RTTN: variants seen among roughly 807,000 people sequenced by gnomAD.
RTTN encodes rotatin.
In RTTN, 182 loss-of-function variants were observed where a neutral mutation model predicts 269.2. The ratio of observed to expected loss-of-function variants is 0.68; its 90% confidence interval spans 0.60 to 0.76. RTTN has a LOEUF of 0.76. Among genes scored for constraint, RTTN ranks in the 30% least tolerant of loss-of-function variants. The pLI is 0.00. For synonymous variants in RTTN, 1,006 were observed against 963.5 expected, an observed-to-expected ratio of 1.04 and a Z score of -0.82; for missense variants, 2,545 against 2,608.6, an observed-to-expected ratio of 0.98 and a Z score of 0.53.
intron 27 of RTTN, among the ~76,000 whole-genome samples, chr18:70,110,715 T>C (rs1193308487): frequency 3.3e-5 from 5 of 152,184 alleles, no homozygotes; most frequent in African/African-American, 1.2e-4. Context: ...ACAGAAGTGT[T>C]CACTCCGCTG....
intron 40 of RTTN, among the ~76,000 whole-genome samples, chr18:70,032,457 A>G (rs1230801044): frequency 6.6e-6 from 1 of 152,196 alleles, no homozygotes; most frequent in Non-Finnish European, 1.5e-5. Context: ...GCAATGACAC[A>G]CATAGGCTCA....
Position 70,134,519 on chromosome 18 carries a change from G to A in RTTN, c.2908C>T (p.Pro970Ser), listed in dbSNP as rs373710103. ...AAACTGAAGACCGATGGCAAAGAAG[G>A]TTTATTGGAAGGATTAACAGACCTA... The part of the protein sequence containing the change: ...DMWSVNPSNK[P>S]SLPSVFSLPV... Residue 970 changes from proline to serine, a missense_variant, in exon 23 of 49, where the codon CCT (proline) becomes TCT (serine). Coordinates refer to ENST00000640769, the MANE Select transcript of RTTN (RefSeq NM_173630.4). 1.2e-6 allele frequency: 2 copies of A among 1,610,134 alleles called. No homozygotes were observed. Among genetic ancestry groups the A allele is most frequent in the South Asian group, 1.1e-5 (1 of 90,512 alleles).
intron 40 of RTTN, among the ~76,000 whole-genome samples, chr18:70,042,990 C>A (rs1381873978): frequency 6.6e-6 from 1 of 152,006 alleles, no homozygotes; most frequent in Non-Finnish European, 1.5e-5. Flanking sequence ...ATTCCTGGAA[C>A]CAGGTGAATG....
chr18:70,054,345 T>C, intron 37 of RTTN, 61 bp from the exon 38 acceptor site: 1 of 1,434,738 alleles, frequency 7.0e-7, no homozygotes, highest in South Asian at 1.4e-5. Context: ...ATCTCAGTGA[T>C]ACAGCATTTT....
chr18:70,159,287 C>T (rs2060764725), intron 14 of RTTN, among the ~76,000 whole-genome samples: 1 of 152,130 alleles, frequency 6.6e-6, no homozygotes, highest in Non-Finnish European at 1.5e-5. Flanking sequence ...AAGAAGATCT[C>T]TCAAAAATGA....
At chr18:70,052,650 A>G (rs763950928) in intron 38 of RTTN, among the ~76,000 whole-genome samples, 158 of 149,050 alleles carry the variant, frequency 1.1e-3, no homozygotes, top group Middle Eastern at 7.0e-3. Flanking sequence ...ACTTATATAT[A>G]TATATCATCA....
intron 10 of RTTN, among the ~76,000 whole-genome samples, chr18:70,178,410 A>T (rs192586471): frequency 5.1e-4 from 77 of 152,356 alleles, no homozygotes; most frequent in African/African-American, 1.8e-3. Context: ...GGGGATAGGC[A>T]GAATGAGGGG....
rs1256352687 is a variant in RTTN at position 70,174,140 on chromosome 18, G to A, written c.1476+2535C>T. Among the ~76,000 whole-genome samples the A allele has an allele frequency of 3.8e-4, 26 of 68,178 alleles. No individual in the cohort carries two copies. The Admixed American group carries it at 3.9e-3, about 10-fold the overall frequency. The allele number at this position is 68,178 out of a possible 152,430, so 44.7% of individuals were successfully genotyped here. ...ACTATGTACTTTTCTGAATGTATAT[G>A]AAAGTTTAAAAAAAAAAAAAAAAGC... On this transcript the variant is annotated intron_variant, in intron 11 of 48. Transcript: ENST00000640769.
chr18:70,196,694 T>C (rs748280339), intron 6 of RTTN, 46 bp from the exon 7 acceptor site: 1 of 1,575,254 alleles, frequency 6.3e-7, no homozygotes, highest in South Asian at 1.2e-5. Context: ...AACAAAGAGC[T>C]CAACTTCAAA....
At position 70,201,367 on chromosome 18, in the gene RTTN, C is replaced by A. The variant is rs576883532; in HGVS notation, c.487+527G>T. ...CCTGTAATCCCAGCACTTTGGGAGG[C>A]CGAGGCGGGCGGATCACGAGGTCAG... On this transcript the variant is annotated intron_variant, in intron 4 of 48. Transcript: ENST00000640769. Among the ~76,000 whole-genome samples, 516 of 152,022 alleles carry A rather than the reference C, an allele frequency of 3.4e-3. 13 individuals carry two copies. Among genetic ancestry groups the A allele is most frequent in the Admixed American group, 0.027 (406 of 15,290 alleles).
chr18:70,047,843 A>C, intron 40 of RTTN, 128 bp downstream of exon 40: 2 of 732,360 alleles, frequency 2.7e-6, no homozygotes, highest in Middle Eastern at 3.9e-4. Flanking sequence ...TGTATCATTT[A>C]AACAGTCATA....
At position 70,030,904 on chromosome 18, in the gene RTTN, A is replaced by G; in HGVS notation, c.5619T>C (p.Ser1873=). Residue 1873 remains serine (S), a synonymous_variant, in exon 41 of 49, where the codon AGT becomes AGC. Transcript: ENST00000640769. ...TCAAAGCATGTTTCTGTGCTCTTCT[A>G]CTGACAGCCAGCAGTGACATCAATG... The part of the protein sequence containing the change: ...ANALMSLLAV[S]RRAQKHALKA... 1.9e-6 allele frequency: 3 copies of G among 1,613,636 alleles called. No homozygotes were observed. Among genetic ancestry groups the G allele is most frequent in the Non-Finnish European group, 2.5e-6 (3 of 1,179,822 alleles).
At chr18:70,169,153 C>CT in intron 11 of RTTN, 86 bp from the exon 12 acceptor site, 1 of 903,042 alleles carries the variant, frequency 1.1e-6, no homozygotes, top group Non-Finnish European at 1.6e-6. Context: ...TAGTCTTAAT[C>CT]TAATCCAACT....
chr18:70,204,019 T>G, intron 3 of RTTN, 67 bp downstream of exon 3: 1 of 1,224,176 alleles, frequency 8.2e-7, no homozygotes, highest in Non-Finnish European at 1.1e-6. Context: ...AAAAATCTAA[T>G]CTCCCTTTCC....
chr18:70,061,446 T>G (rs764832319), intron 35 of RTTN: 1 of 456,214 alleles, frequency 2.2e-6, no homozygotes, highest in South Asian at 1.5e-5. Flanking sequence ...GGGCACTAAA[T>G]GTATACATTG....
intron 35 of RTTN, chr18:70,061,203 GTATGAGAGCTCCCTT>G: frequency 5.4e-6 from 2 of 368,896 alleles, no homozygotes; most frequent in South Asian, 4.1e-5. Context: ...CAACAACACT[GTATGAGAGCTCCCTT>G]TTCTCCAAAA....
At chr18:70,139,858 T>C in intron 20 of RTTN, 142 bp from the exon 21 acceptor site, 2 of 644,130 alleles carry the variant, frequency 3.1e-6, no homozygotes, top group Non-Finnish European at 2.7e-6. Flanking sequence ...ATACTAGGAA[T>C]TACTTTCCAC....
chr18:70,161,101 T>C (rs1463876698), intron 14 of RTTN, among the ~76,000 whole-genome samples: 1 of 152,120 alleles, frequency 6.6e-6, no homozygotes, highest in Non-Finnish European at 1.5e-5. Context: ...CAAACTATAC[T>C]ATGGGGCTAC....
At chr18:70,126,382 G>A (rs765637342) in intron 25 of RTTN, among the ~76,000 whole-genome samples, 6 of 152,114 alleles carry the variant, frequency 3.9e-5, no homozygotes, top group East Asian at 3.9e-4. Flanking sequence ...GTTTAAATGC[G>A]GGAGTGTGCT....
Sources: gnomAD v4.1 joint callset for allele counts (sites outside exome capture counted in the v4.1 genomes callset) on GRCh38, gnomAD v4.1.1 for gene constraint, MANE v1.5 for transcripts, NCBI Gene and HGNC (gene_info 2026-07-23, HGNC 2026-07-21) for gene names.